The following ASXL1 variants were observed in gnomAD, a reference collection of about 807,000 sequenced individuals.
ASXL1 encodes polycomb group protein ASXL1.
In ASXL1, 65 loss-of-function variants were observed where a neutral mutation model predicts 89.1. That is an observed-to-expected ratio of 0.73 (90% confidence interval 0.60 to 0.90). The LOEUF (loss-of-function observed/expected upper bound fraction) is 0.90. Ranked by LOEUF, ASXL1 falls within the 40% of genes least tolerant of loss-of-function variation. The pLI is 0.00. For missense variants in ASXL1, 1,786 were observed against 1,942.9 expected (o/e 0.92, Z 1.52); for synonymous variants, 739 against 746.9 (o/e 0.99, Z 0.17).
intron 4 of ASXL1, among the ~76,000 whole-genome samples, chr20:32,404,504 A>G (rs1410567490): frequency 6.6e-6 from 1 of 152,148 alleles, no homozygotes; most frequent in Non-Finnish European, 1.5e-5. Context: ...TGTGACCTTT[A>G]TAAACTCACT....
rs775377413 is a variant in ASXL1, at chr20:32,431,332, C to T, written c.730C>T (p.Arg244Cys). 10 of 1,613,982 alleles carry T rather than the reference C, an allele frequency of 6.2e-6. No homozygotes were observed. The highest frequency in any genetic ancestry group is 2.2e-5 in the East Asian group (1 of 44,886). ...FRKPATGQMKRNRGEEIDFET... is the reference protein window; with the variant it reads ...FRKPATGQMKCNRGEEIDFET... ...TTCAAAAATCATAGGTCAAATGAAG[C>T]GCAACAGAGGGGAAGAAATAGATTT... The change falls in exon 9 of 13, where the codon CGC becomes TGC. Residue 244 changes from arginine to cysteine, a missense_variant. Around this residue, in one of 3 missense-constraint regions of ASXL1, gnomAD observed 332 missense variants for 449.7 expected, o/e 0.74. Coordinates refer to ENST00000375687, the MANE Select transcript of ASXL1 (RefSeq NM_015338.6).
chr20:32,359,324 A>G (rs969651528), intron 1 of ASXL1: 6 of 702,522 alleles, frequency 8.5e-6, no homozygotes, highest in East Asian at 5.4e-5. Context: ...AGCTTTCCCA[A>G]TCTAAACCAG....
chr20:32,434,571 G>C lies in ASXL1; in HGVS notation c.1859G>C (p.Arg620Pro), dbSNP rs750708574. 9.9e-6 allele frequency: 16 copies of C among 1,613,548 alleles called. No individual in the cohort carries two copies. In the South Asian group the frequency reaches 1.8e-4, roughly 18 times the overall value. The change falls in exon 13 of 13, where the codon CGT (arginine) becomes CCT (proline). Residue 620 changes from arginine (R) to proline (P), a missense_variant. Coordinates refer to ENST00000375687, the MANE Select transcript of ASXL1 (RefSeq NM_015338.6). ...AGGACCCTCGCAGACATTAAAGCCC[G>C]TGCTCTGCAGGTCCGAGGGGCGAGA... Reference protein sequence around the residue: ...GARTLADIKARALQVRGARGH... With the variant: ...GARTLADIKAPALQVRGARGH...
chr20:32,437,422 T>C lies in ASXL1; in HGVS notation c.*84T>C, dbSNP rs910161673. ...TCTTAAATCTGTATACAGAATATCATTGATATAATACTCTTTAGGCAGGAG... is the reference window on the plus strand; with the variant it reads ...TCTTAAATCTGTATACAGAATATCACTGATATAATACTCTTTAGGCAGGAG... On this transcript the variant is annotated 3_prime_UTR_variant, in exon 13 of 13. Transcript: ENST00000375687. 2.5e-6 allele frequency: 4 copies of C among 1,572,654 alleles called. No homozygotes were observed. In the African/African-American group the frequency reaches 4.1e-5, roughly 16 times the overall value.
intron 3 of ASXL1, among the ~76,000 whole-genome samples, chr20:32,368,044 G>T (rs557427066): frequency 1.3e-5 from 2 of 152,146 alleles, no homozygotes; most frequent in African/African-American, 4.8e-5. Context: ...TTTTTTAATG[G>T]TTTTTTTAGA....
At chr20:32,377,240 C>T (rs954096864) in intron 4 of ASXL1, among the ~76,000 whole-genome samples, 3 of 146,670 alleles carry the variant, frequency 2.0e-5, no homozygotes, top group Non-Finnish European at 3.0e-5. Context: ...CCCACCTTAG[C>T]CTCGCAAAGT....
chr20:32,414,635 C>T (rs1030644982), intron 4 of ASXL1, among the ~76,000 whole-genome samples: 18 of 152,120 alleles, frequency 1.2e-4, no homozygotes, highest in Non-Finnish European at 8.8e-5. Flanking sequence ...TTCAGTTCTT[C>T]TTTTGTTTAT....
intron 6 of ASXL1, 28 bp downstream of exon 6, chr20:32,428,450 G>C (rs755009249): frequency 6.4e-7 from 1 of 1,569,906 alleles, no homozygotes. Context: ...CCTAGCCTGG[G>C]AGGATGAATG....
At position 32,428,221 on chromosome 20, in the gene ASXL1, G is replaced by A. The variant is rs1474560744; in HGVS notation, c.346G>A (p.Ala116Thr). 2 of 1,614,200 alleles carry A rather than the reference G, an allele frequency of 1.2e-6. No homozygotes were observed. The highest frequency in any genetic ancestry group is 1.7e-5 in the Admixed American group (1 of 60,026). ...ADVESCGSNE[A>T]STVSGENDVS... ...TGTGGAGAGCTGTGGGTCTAATGAA[G>A]CCAGCACTGTGAGTGGTGAAAACGA... Residue 116 changes from alanine to threonine, a missense_variant, in exon 5 of 13, where the codon GCC (alanine) becomes ACC (threonine). Ala to Thr is a moderately conservative substitution (Grantham distance 58). Transcript: ENST00000375687.
Position 32,438,442 on chromosome 20 carries a change from C to T in ASXL1, c.*1104C>T. 1 of 233,510 alleles carries T rather than the reference C, an allele frequency of 4.3e-6. No individual in the cohort carries two copies. The highest frequency in any genetic ancestry group is 8.5e-6 in the Non-Finnish European group (1 of 117,984). 14.5% of individuals were successfully genotyped at this position (233,510 alleles called of 1,614,324 possible). ...CATCTGTTGTCAGAGCCACTGAGTG[C>T]TGTGCTGCTCGACGTGAGGGTGAAA... On this transcript the variant is annotated 3_prime_UTR_variant, in exon 13 of 13. Transcript: ENST00000375687.
chr20:32,434,243 C>T (rs2011641268), intron 12 of ASXL1, 189 bp from the exon 13 acceptor site: 2 of 784,012 alleles, frequency 2.6e-6, no homozygotes, highest in African/African-American at 3.5e-5. Context: ...ATATAACAGC[C>T]CTTGAGCAGA....
chr20:32,430,163 G>A (rs1351680314), intron 8 of ASXL1, 110 bp downstream of exon 8: 3 of 1,371,166 alleles, frequency 2.2e-6, no homozygotes, highest in Non-Finnish European at 2.9e-6. Flanking sequence ...TTTACTTCTT[G>A]GGTGGCCCTC....
chr20:32,370,985 A>AG (rs1349451302), intron 4 of ASXL1, among the ~76,000 whole-genome samples: 3 of 150,656 alleles, frequency 2.0e-5, no homozygotes, highest in Non-Finnish European at 4.4e-5. Context: ...AAAAAAAAAA[A>AG]AAAGCCTTGC....
chr20:32,392,555 C>T (rs1041919204), intron 4 of ASXL1, among the ~76,000 whole-genome samples: 3 of 145,352 alleles, frequency 2.1e-5, no homozygotes, highest in Non-Finnish European at 3.0e-5. Context: ...GTTGGAAGGC[C>T]GAGGCGGGCA....
In ASXL1 at chr20:32,366,335, A is replaced by C. The variant is rs199847240; in HGVS notation, c.58-49A>C. 401 of 1,479,222 alleles carry C rather than the reference A, an allele frequency of 2.7e-4. 1 individual carries two copies. The African/African-American group carries it at 5.0e-3, about 18-fold the overall frequency. 91.6% of individuals were successfully genotyped at this position (1,479,222 alleles called of 1,614,324 possible). On this transcript the variant is annotated intron_variant, in intron 1 of 12. Transcript: ENST00000375687. ...TAGCCCATGATATATGGATGGATGG[A>C]TATAAATGGAAATTGCACACTGAAA...
At chr20:32,361,226 G>A (rs1483427006) in intron 1 of ASXL1, among the ~76,000 whole-genome samples, 3 of 152,170 alleles carry the variant, frequency 2.0e-5, no homozygotes, top group Admixed American at 2.0e-4. Context: ...ACACACCTGT[G>A]GTCCTAGCTA....
chr20:32,381,071 G>T (rs2048478230), intron 4 of ASXL1, among the ~76,000 whole-genome samples: 1 of 151,988 alleles, frequency 6.6e-6, no homozygotes. Flanking sequence ...TATACTTTAG[G>T]GCCCTTGCAT....
chr20:32,401,523 T>C (rs1259113563), intron 4 of ASXL1, among the ~76,000 whole-genome samples: 2 of 61,160 alleles, frequency 3.3e-5, no homozygotes, highest in African/African-American at 1.3e-4. Flanking sequence ...GAACCATATA[T>C]GTGTGTGTGT....
intron 8 of ASXL1, chr20:32,430,460 C>G: frequency 4.0e-6 from 1 of 247,968 alleles, no homozygotes; most frequent in Non-Finnish European, 7.8e-6. Context: ...TTTTTTACAA[C>G]CTAGTCAGTA....
Sources: gnomAD v4.1 joint callset for allele counts (sites outside exome capture counted in the v4.1 genomes callset) on GRCh38, gnomAD v4.1.1 for gene constraint, gnomAD v4.1.1 regional missense constraint, MANE v1.5 for transcripts, NCBI Gene and HGNC (gene_info 2026-07-23, HGNC 2026-07-21) for gene names.